The following SORCS3 variants were observed in gnomAD, a reference collection of about 807,000 sequenced individuals.
SORCS3 encodes sortilin related VPS10 domain containing receptor 3.
SORCS3 carries 57 observed loss-of-function variants against 146.3 expected under a neutral mutation model. That is an observed-to-expected ratio of 0.39 (90% confidence interval 0.31 to 0.49). The LOEUF is 0.49. Among genes scored for constraint, SORCS3 ranks in the 20% least tolerant of loss-of-function variants. The pLI is 0.92. For synonymous variants in SORCS3, 653 were observed against 618.5 expected, an observed-to-expected ratio of 1.06 and a Z score of -0.83; for missense variants, 1,341 against 1,575.5, an observed-to-expected ratio of 0.85 and a Z score of 2.52.
At chr10:104,716,382 G>T (rs2016479691) in intron 1 of SORCS3, among the ~76,000 whole-genome samples, 2 of 152,236 alleles carry the variant, frequency 1.3e-5, no homozygotes, top group East Asian at 1.9e-4. Flanking sequence ...GAGTGATGGG[G>T]TGCATAATGA....
chr10:105,050,830 G>C (rs1477768229), intron 5 of SORCS3, among the ~76,000 whole-genome samples: 3 of 152,004 alleles, frequency 2.0e-5, no homozygotes, highest in African/African-American at 7.2e-5. Flanking sequence ...TCTACACGTA[G>C]CCTCCTGTCT....
chr10:104,719,748 C>T (rs112187803), intron 1 of SORCS3, among the ~76,000 whole-genome samples: 3 of 152,104 alleles, frequency 2.0e-5, no homozygotes, highest in African/African-American at 4.8e-5. Flanking sequence ...GCTGGTTTGT[C>T]TCTCTCTCTT....
intron 2 of SORCS3, among the ~76,000 whole-genome samples, chr10:104,881,312 T>C (rs1449605532): frequency 6.6e-6 from 1 of 152,204 alleles, no homozygotes; most frequent in African/African-American, 2.4e-5. Context: ...CTTCGTGGTG[T>C]GCAATTGTCC....
At chr10:104,906,597 C>T (rs7896463) in intron 2 of SORCS3, among the ~76,000 whole-genome samples, 55,863 of 152,074 alleles carry the variant, frequency 0.37, 13,376 homozygotes, top group African/African-American at 0.68. Flanking sequence ...ATTGAGCAGA[C>T]ATGAAACATG....
chr10:105,242,455 T>C (rs2056832516), intron 20 of SORCS3, among the ~76,000 whole-genome samples: 1 of 89,278 alleles, frequency 1.1e-5, no homozygotes, highest in African/African-American at 4.6e-5. Context: ...TATATTTATA[T>C]ATATTTATAT....
At chr10:105,127,924 A>C (rs1210249342) in intron 7 of SORCS3, among the ~76,000 whole-genome samples, 3 of 152,168 alleles carry the variant, frequency 2.0e-5, no homozygotes, top group Non-Finnish European at 4.4e-5. Flanking sequence ...AACTTCTCCT[A>C]TACTAGCCAT....
chr10:104,958,674 A>C (rs1473962835), intron 3 of SORCS3, among the ~76,000 whole-genome samples: 1 of 152,184 alleles, frequency 6.6e-6, no homozygotes, highest in Admixed American at 6.5e-5. Context: ...AGATCCTCCC[A>C]ATATTAGTCT....
chr10:105,139,390 A>G lies in SORCS3; in HGVS notation c.1213-7A>G, dbSNP rs1192567718. Reference sequence around the variant, plus strand: ...TCTGATCTCTTTGTGTTTCCCCCACAATCTAGGTAACAACTAGTGGAAGAG... The same window carrying G: ...TCTGATCTCTTTGTGTTTCCCCCACGATCTAGGTAACAACTAGTGGAAGAG... On this transcript the variant is annotated splice_region_variant and splice_polypyrimidine_tract_variant and intron_variant, in intron 7 of 26. Coordinates refer to ENST00000369701, the MANE Select transcript of SORCS3 (RefSeq NM_014978.3). 8 of 1,610,328 alleles carry G rather than the reference A, an allele frequency of 5.0e-6. 1 individual carries two copies. In the South Asian group the frequency reaches 5.5e-5, roughly 11 times the overall value.
At chr10:104,922,840 G>T (rs970041771) in intron 3 of SORCS3, among the ~76,000 whole-genome samples, 1 of 152,160 alleles carries the variant, frequency 6.6e-6, no homozygotes, top group African/African-American at 2.4e-5. Flanking sequence ...AGTCACAGGA[G>T]AACACTTCGT....
At chr10:105,145,819 G>A (rs1589654521) in intron 8 of SORCS3, among the ~76,000 whole-genome samples, 1 of 152,130 alleles carries the variant, frequency 6.6e-6, no homozygotes, top group East Asian at 1.9e-4. Flanking sequence ...CAGAGGCTGA[G>A]ATTTGACAAA....
intron 14 of SORCS3, among the ~76,000 whole-genome samples, chr10:105,188,184 A>T (rs1322106764): frequency 1.3e-5 from 2 of 152,206 alleles, no homozygotes; most frequent in East Asian, 3.8e-4. Flanking sequence ...AATCAAAGGA[A>T]CATCACAGAA....
chr10:105,242,494 A>ATATATT (rs1564793531), intron 20 of SORCS3, among the ~76,000 whole-genome samples: 4 of 15,950 alleles, frequency 2.5e-4, no homozygotes, highest in South Asian at 1.3e-3. Context: ...TTATATATTT[A>ATATATT]TATATATTTA....
At chr10:104,816,061 T>C (rs1411444828) in intron 1 of SORCS3, among the ~76,000 whole-genome samples, 1 of 152,244 alleles carries the variant, frequency 6.6e-6, no homozygotes, top group Non-Finnish European at 1.5e-5. Context: ...TTTTTTCTTT[T>C]TCGCTTTTGA....
chr10:104,740,173 C>T (rs928992306), intron 1 of SORCS3, among the ~76,000 whole-genome samples: 1 of 152,166 alleles, frequency 6.6e-6, no homozygotes, highest in Non-Finnish European at 1.5e-5. Flanking sequence ...TTACATAAAA[C>T]TGAAACAGTC....
intron 1 of SORCS3, among the ~76,000 whole-genome samples, chr10:104,683,093 A>G (rs2015999048): frequency 6.6e-6 from 1 of 152,236 alleles, no homozygotes. Flanking sequence ...TAAATGTCCT[A>G]GGAGTAGGGA....
At chr10:105,211,975 T>G (rs1187753139) in intron 17 of SORCS3, among the ~76,000 whole-genome samples, 3 of 152,144 alleles carry the variant, frequency 2.0e-5, no homozygotes, top group Non-Finnish European at 4.4e-5. Flanking sequence ...TTCCTTTCTG[T>G]GAGCTCCGAT....
chr10:104,889,277 CTGTGCTTTTT>C lies in SORCS3; in HGVS notation c.696-26554_696-26545del, dbSNP rs1288620074. On this transcript the variant is annotated intron_variant, in intron 2 of 26. Transcript: ENST00000369701. ...ACATTTTATATTTGTGGTAGATTTC[CTGTGCTTTTT>C]TTTTTTTTTTTAAATCCGATCTGAC... 5.4e-5 allele frequency among the ~76,000 whole-genome samples: 7 copies of C among 129,810 alleles called. No individual in the cohort carries two copies. The South Asian group carries it at 9.2e-4, about 17-fold the overall frequency. 85.2% of individuals were successfully genotyped at this position (129,810 alleles called of 152,430 possible).
chr10:104,864,287 G>A (rs2018436951), intron 2 of SORCS3, among the ~76,000 whole-genome samples: 1 of 152,172 alleles, frequency 6.6e-6, no homozygotes, highest in Non-Finnish European at 1.5e-5. Flanking sequence ...GAACCCATGG[G>A]AGTAGGGGAG....
intron 7 of SORCS3, among the ~76,000 whole-genome samples, chr10:105,123,931 A>G (rs1253226006): frequency 6.6e-6 from 1 of 152,176 alleles, no homozygotes; most frequent in Non-Finnish European, 1.5e-5. Flanking sequence ...GTTATTAGGA[A>G]ACAAAAATAA....
Sources: allele counts gnomAD v4.1 joint callset (sites outside exome capture counted in the v4.1 genomes callset), GRCh38; gene constraint gnomAD v4.1.1; transcripts MANE v1.5; gene names NCBI Gene and HGNC (gene_info 2026-07-23, HGNC 2026-07-21).